PPARGC1A: variants seen among roughly 807,000 people sequenced by gnomAD.
The protein encoded by PPARGC1A is peroxisome proliferator-activated receptor gamma coactivator 1-alpha.
Under a neutral mutation model 88.7 loss-of-function variants are expected in PPARGC1A, and 25 were observed. That is an observed-to-expected ratio of 0.28 (90% CI 0.21 to 0.39). The LOEUF is 0.39. PPARGC1A is among the 10% of genes least tolerant of loss of function. The pLI is 1.00. For synonymous variants in PPARGC1A, 363 were observed against 355.6 expected (o/e 1.02, Z -0.24); for missense variants, 880 against 968.7 (o/e 0.91, Z 1.22).
chr4:23,886,679 A>G (rs1716948974), intron 1 of PPARGC1A, among the ~76,000 whole-genome samples: 1 of 152,104 alleles, frequency 6.6e-6, no homozygotes, highest in African/African-American at 2.4e-5. Flanking sequence ...GTTCTGGTAC[A>G]ATGCTCATAT....
chr4:24,407,100 C>G, the PPARGC1A span, among the ~76,000 whole-genome samples: 2 of 152,210 alleles, frequency 1.3e-5, no homozygotes, highest in East Asian at 3.9e-4. Flanking sequence ...TCCACTCTCT[C>G]TGAAGCTCCG....
At chr4:24,376,533 G>C in the PPARGC1A span, among the ~76,000 whole-genome samples, 1 of 152,138 alleles carries the variant, frequency 6.6e-6, no homozygotes, top group South Asian at 2.1e-4. Context: ...GTTTTAAGCC[G>C]TTTTTGAGCC....
At chr4:23,861,659 C>T (rs1395969406) in intron 2 of PPARGC1A, among the ~76,000 whole-genome samples, 1 of 152,102 alleles carries the variant, frequency 6.6e-6, no homozygotes, top group African/African-American at 2.4e-5. Flanking sequence ...CATGGTTTGA[C>T]TCCTTGGTCC....
the PPARGC1A span, among the ~76,000 whole-genome samples, chr4:24,471,743 A>G: frequency 2.0e-5 from 3 of 152,196 alleles, no homozygotes; most frequent in Admixed American, 6.5e-5. This position sits in a 1 kb window ranked among gnomAD's most constrained non-coding sequence, Gnocchi z 5.4. Flanking sequence ...TTGCACAGTC[A>G]TCAAAGTTAA....
At chr4:24,333,647 C>A in the PPARGC1A span, among the ~76,000 whole-genome samples, 1 of 152,048 alleles carries the variant, frequency 6.6e-6, no homozygotes, top group East Asian at 1.9e-4. Context: ...AAAATTGTCA[C>A]TAGTGGCGGT....
chr4:23,798,132 C>T (rs183750075), intron 12 of PPARGC1A, among the ~76,000 whole-genome samples: 1 of 152,198 alleles, frequency 6.6e-6, no homozygotes, highest in East Asian at 1.9e-4. Context: ...CGGCCCCACC[C>T]CATCTCCCTT....
intron 2 of PPARGC1A, chr4:23,880,945 G>C (rs573489773): frequency 1.3e-5 from 2 of 152,294 alleles, no homozygotes; most frequent in Admixed American, 6.5e-5. Context: ...ACAGACGAAT[G>C]AATGAAAGAT....
the PPARGC1A span, among the ~76,000 whole-genome samples, chr4:24,056,583 A>G: frequency 6.6e-6 from 1 of 152,006 alleles, no homozygotes; most frequent in Non-Finnish European, 1.5e-5. Flanking sequence ...TAGGGCCCTT[A>G]TTTTTCCTAG....
chr4:24,219,537 G>A, the PPARGC1A span, among the ~76,000 whole-genome samples: 1 of 152,154 alleles, frequency 6.6e-6, no homozygotes, highest in Non-Finnish European at 1.5e-5. Context: ...CTCAGGGGAG[G>A]CGTCCTGCTC....
At chr4:24,191,709 G>A in the PPARGC1A span, among the ~76,000 whole-genome samples, 3 of 152,334 alleles carry the variant, frequency 2.0e-5, no homozygotes, top group East Asian at 1.9e-4. Flanking sequence ...ATTTCATCTC[G>A]CAGAGGAGGC....
At chr4:23,912,875 G>A in the PPARGC1A span, among the ~76,000 whole-genome samples, 10 of 149,922 alleles carry the variant, frequency 6.7e-5, no homozygotes, top group African/African-American at 1.5e-4. Context: ...TACAAACTCC[G>A]CTTCCTGGGT....
the PPARGC1A span, among the ~76,000 whole-genome samples, chr4:24,452,893 G>A: frequency 1.8e-3 from 270 of 152,308 alleles, 1 homozygote; most frequent in African/African-American, 6.2e-3. Flanking sequence ...GGTGTAAGGA[G>A]GTTGTTACTG....
the PPARGC1A span, among the ~76,000 whole-genome samples, chr4:24,285,544 T>G: frequency 8.6e-4 from 131 of 152,352 alleles, no homozygotes; most frequent in African/African-American, 3.1e-3. Flanking sequence ...TGTCATGTAC[T>G]ACAGATTGTA....
At chr4:23,975,666 C>T in the PPARGC1A span, among the ~76,000 whole-genome samples, 1 of 152,184 alleles carries the variant, frequency 6.6e-6, no homozygotes, top group Non-Finnish European at 1.5e-5. Flanking sequence ...GATCCACCCA[C>T]CTCAGCCTCC....
At chr4:23,967,288 C>T in the PPARGC1A span, among the ~76,000 whole-genome samples, 6 of 152,188 alleles carry the variant, frequency 3.9e-5, no homozygotes, top group South Asian at 2.1e-4. Flanking sequence ...AGAAAACCCA[C>T]GCCACCATGC....
chr4:24,116,322 C>G, the PPARGC1A span, among the ~76,000 whole-genome samples: 1 of 152,150 alleles, frequency 6.6e-6, no homozygotes, highest in South Asian at 2.1e-4. Context: ...CTTACACAGG[C>G]TGATAAAACT....
chr4:24,230,596 A>C, the PPARGC1A span, among the ~76,000 whole-genome samples: 2 of 152,118 alleles, frequency 1.3e-5, no homozygotes, highest in South Asian at 4.2e-4. Flanking sequence ...ATGGTCTCTA[A>C]TTTAAACCCT....
chr4:24,309,871 A>G, the PPARGC1A span, among the ~76,000 whole-genome samples: 81 of 152,342 alleles, frequency 5.3e-4, no homozygotes, highest in African/African-American at 1.9e-3. Context: ...GAAAGAGATA[A>G]TGGTGGTAAG....
In PPARGC1A at chr4:23,793,600, C is replaced by A. The variant is rs1321407466; in HGVS notation, c.*2222G>T. ...ATGTCTTCCAGAAAAGTCATGTCAGCCAAACAGTAATCGAATCTCAATTTA... is the reference window on the plus strand; with the variant it reads ...ATGTCTTCCAGAAAAGTCATGTCAGACAAACAGTAATCGAATCTCAATTTA... On this transcript the variant is annotated 3_prime_UTR_variant, in exon 13 of 13. Transcript: ENST00000264867. 2.0e-5 allele frequency: 3 copies of A among 152,172 alleles called. No individual in the cohort carries two copies. Among genetic ancestry groups the A allele is most frequent in the Non-Finnish European group, 2.9e-5 (2 of 67,998 alleles). 9.4% of individuals were successfully genotyped at this position (152,172 alleles called of 1,614,324 possible). A position where few individuals can be genotyped will look rare whatever the true frequency, so the allele number is the denominator to read the frequency against.
Sources: allele counts gnomAD v4.1 joint callset (sites outside exome capture counted in the v4.1 genomes callset), GRCh38; gene constraint gnomAD v4.1.1; non-coding constraint Gnocchi (gnomAD v3.1); transcripts MANE v1.5; gene names NCBI Gene and HGNC (gene_info 2026-07-23, HGNC 2026-07-21).